The following FGF18 variants were observed in gnomAD, a reference collection of about 807,000 sequenced individuals.
The protein encoded by FGF18 is fibroblast growth factor 18.
A neutral mutation model predicts 23.0 loss-of-function variants in FGF18; 5 were observed. The ratio of observed to expected loss-of-function variants is 0.22; its 90% CI spans 0.11 to 0.46. The LOEUF is 0.46. FGF18 is among the 20% of genes least tolerant of loss of function. FGF18 has a pLI of 0.99. For missense variants in FGF18, 180 were observed against 291.6 expected (o/e 0.62, Z 2.79); for synonymous variants, 117 against 118.9 (o/e 0.98, Z 0.10).
At chr5:171,433,522 G>T (rs768126201) in intron 2 of FGF18, among the ~76,000 whole-genome samples, 1 of 152,180 alleles carries the variant, frequency 6.6e-6, no homozygotes, top group Non-Finnish European at 1.5e-5. Context: ...TGCCCACCAG[G>T]TGTGGGCCTC....
intron 4 of FGF18, among the ~76,000 whole-genome samples, chr5:171,452,534 T>G (rs1772532218): frequency 1.3e-5 from 2 of 152,126 alleles, no homozygotes. Flanking sequence ...CGGCCCCCCT[T>G]CTCCTTGCTA....
intron 2 of FGF18, among the ~76,000 whole-genome samples, chr5:171,431,518 G>C (rs1213155634): frequency 6.6e-6 from 1 of 152,144 alleles, no homozygotes; most frequent in Non-Finnish European, 1.5e-5. Context: ...CGTTGCCTCT[G>C]TGTAGTTGCT....
At chr5:171,449,744 C>T in intron 4 of FGF18, among the ~76,000 whole-genome samples, 1 of 150,362 alleles carries the variant, frequency 6.7e-6, no homozygotes, top group East Asian at 1.9e-4. Context: ...AGCGCTGGGC[C>T]TCTTGGTTCT....
At position 171,440,317 on chromosome 5, in the gene FGF18, G is replaced by A. The variant is rs1457911820; in HGVS notation, c.250+4044G>A. Among the ~76,000 whole-genome samples, 1 of 152,042 alleles carries A rather than the reference G, an allele frequency of 6.6e-6. No individual in the cohort carries two copies. Among genetic ancestry groups the A allele is most frequent in the African/African-American group, 2.4e-5 (1 of 41,372 alleles). On this transcript the variant is annotated intron_variant, in intron 3 of 4. Coordinates refer to ENST00000274625, the MANE Select transcript of FGF18 (RefSeq NM_003862.3). This position sits in a 1 kb window ranked among gnomAD's most constrained non-coding sequence, Gnocchi z 4.0. ...CCAGAAAGGACCTGAGGGAAGAAGC[G>A]GTACTCCTGTCTGCTGTCAGTGGGA...
In FGF18 at chr5:171,456,958, G is replaced by C. The variant is rs911380704; in HGVS notation, c.*153G>C. Reference sequence around the variant, plus strand: ...GACAAAAACTGAACCAAAACTCTTGGGGGGAGGGGTGATAAGGATTTTATT... The same window carrying C: ...GACAAAAACTGAACCAAAACTCTTGCGGGGAGGGGTGATAAGGATTTTATT... On this transcript the variant is annotated 3_prime_UTR_variant, in exon 5 of 5. Coordinates refer to ENST00000274625, the MANE Select transcript of FGF18 (RefSeq NM_003862.3). The surrounding 1 kb of genome is among the most constrained non-coding windows in gnomAD (Gnocchi z 6.1). The C allele has an allele frequency of 1.1e-5, 11 of 967,744 alleles. No individual in the cohort carries two copies. The Admixed American group carries it at 1.8e-4, about 16-fold the overall frequency. The allele number at this position is 967,744 out of a possible 1,614,324, so 59.9% of individuals were successfully genotyped here. A position where few individuals can be genotyped will look rare whatever the true frequency, so the allele number is the denominator to read the frequency against.
In FGF18 at chr5:171,420,227, T is replaced by G; in HGVS notation, c.28T>G (p.Cys10Gly). The change falls in exon 1 of 5, where the codon TGC (cysteine) becomes GGC (glycine). Residue 10 changes from cysteine to glycine, a missense_variant. Cys to Gly is a radical substitution (Grantham distance 159). This residue lies in a region of FGF18 where 57 missense variants were observed against 59.8 expected (regional missense o/e 0.95). Transcript: ENST00000274625. MYSAPSACTCLCLHFLLLCF... is the reference protein window; with the variant it reads MYSAPSACTGLCLHFLLLCF... Reference sequence around the variant, plus strand: ...GTATTCAGCGCCCTCCGCCTGCACTTGCCTGTAAGCGCCCGCGCGCGGGGC... The same window carrying G: ...GTATTCAGCGCCCTCCGCCTGCACTGGCCTGTAAGCGCCCGCGCGCGGGGC... 6.4e-7 allele frequency: 1 copy of G among 1,569,442 alleles called. No individual in the cohort carries two copies. The highest frequency in any genetic ancestry group is 8.6e-7 in the Non-Finnish European group (1 of 1,161,120).
rs142984296 is a variant in FGF18, at chr5:171,447,282, A to G, written c.251-1865A>G. 7.3e-3 allele frequency among the ~76,000 whole-genome samples: 1,114 copies of G among 152,292 alleles called. 13 individuals are homozygous for G. Among genetic ancestry groups the G allele is most frequent in the African/African-American group, 0.026 (1,074 of 41,564 alleles). ...CACCTGAAATTGTCCTGATTCCCCC[A>G]TAACTCCTCACCCCCTGTGGGGCCT... On this transcript the variant is annotated intron_variant, in intron 3 of 4. Transcript: ENST00000274625.
At chr5:171,421,588 A>G (rs1772007450) in intron 2 of FGF18, among the ~76,000 whole-genome samples, 1 of 152,206 alleles carries the variant, frequency 6.6e-6, no homozygotes, top group African/African-American at 2.4e-5. Flanking sequence ...TTCTGGCTCA[A>G]GGAGTGTTGT....
intron 2 of FGF18, among the ~76,000 whole-genome samples, chr5:171,430,456 T>G (rs556134017): frequency 3.3e-5 from 5 of 150,336 alleles, no homozygotes; most frequent in African/African-American, 1.2e-4. Flanking sequence ...GAGGAAGTGC[T>G]CAACACACAA....
intron 2 of FGF18, among the ~76,000 whole-genome samples, chr5:171,423,230 G>A (rs1772043706): frequency 6.6e-6 from 1 of 152,186 alleles, no homozygotes; most frequent in Admixed American, 6.5e-5. Flanking sequence ...CTGGGAAGTG[G>A]GAAGCTGGGA....
Position 171,434,276 on chromosome 5 carries a change from C to T in FGF18, c.70-1817C>T, listed in dbSNP as rs899855322. Among the ~76,000 whole-genome samples the T allele has an allele frequency of 1.3e-5, 2 of 152,244 alleles. No individual in the cohort carries two copies. The highest frequency in any genetic ancestry group is 2.9e-5 in the Non-Finnish European group (2 of 68,040). On this transcript the variant is annotated intron_variant, in intron 2 of 4. Transcript: ENST00000274625. The surrounding 1 kb of genome is among the most constrained non-coding windows in gnomAD (Gnocchi z 4.6). ...TCCTCATCCATAATGTGGGATGATG[C>T]TTCCACCCTGAGGACAATCATGAAG...
chr5:171,427,534 C>CT (rs1232274269), intron 2 of FGF18, among the ~76,000 whole-genome samples: 1 of 152,206 alleles, frequency 6.6e-6, no homozygotes, highest in Non-Finnish European at 1.5e-5. Context: ...CTTAACCTCT[C>CT]TGAGTCTCCA....
intron 2 of FGF18, among the ~76,000 whole-genome samples, chr5:171,425,961 G>A (rs566739720): frequency 4.6e-5 from 7 of 152,302 alleles, no homozygotes; most frequent in African/African-American, 1.7e-4. Context: ...GCAAGAGAGA[G>A]GCAGAGCTGG....
intron 2 of FGF18, among the ~76,000 whole-genome samples, chr5:171,423,406 C>T (rs1037660189): frequency 2.6e-5 from 4 of 152,340 alleles, no homozygotes; most frequent in Admixed American, 6.5e-5. Context: ...GGGCCTTTCA[C>T]GCAGCTCGGC....
At chr5:171,448,302 T>G (rs564963826) in intron 3 of FGF18, among the ~76,000 whole-genome samples, 1 of 152,270 alleles carries the variant, frequency 6.6e-6, no homozygotes, top group South Asian at 2.1e-4. Context: ...TTAGTTACCC[T>G]TCAGCTTTGG....
intron 2 of FGF18, among the ~76,000 whole-genome samples, chr5:171,428,171 C>A (rs943229075): frequency 1.3e-5 from 2 of 152,200 alleles, no homozygotes; most frequent in Non-Finnish European, 2.9e-5. Flanking sequence ...GGAGGTCTGA[C>A]CCCTGCTGCA....
intron 3 of FGF18, among the ~76,000 whole-genome samples, chr5:171,446,958 T>C (rs1772427774): frequency 6.6e-6 from 1 of 152,102 alleles, no homozygotes; most frequent in African/African-American, 2.4e-5. Context: ...TCCTCCACCC[T>C]TGCAGACACA....
intron 2 of FGF18, among the ~76,000 whole-genome samples, chr5:171,433,028 T>C (rs969368676): frequency 8.5e-5 from 13 of 152,140 alleles, no homozygotes; most frequent in Non-Finnish European, 1.8e-4. Context: ...TGTCACACCC[T>C]CCAGAGGTCT....
chr5:171,438,099 C>CTTTTTT (rs372013681), intron 3 of FGF18, among the ~76,000 whole-genome samples: 1 of 135,690 alleles, frequency 7.4e-6, no homozygotes, highest in Non-Finnish European at 1.6e-5. Flanking sequence ...TTTTTCTTTT[C>CTTTTTT]TTTTTTTTTT....
Sources: gnomAD v4.1 joint callset for allele counts (sites outside exome capture counted in the v4.1 genomes callset) on GRCh38, gnomAD v4.1.1 for gene constraint, gnomAD v4.1.1 regional missense constraint, Gnocchi (gnomAD v3.1) non-coding constraint, MANE v1.5 for transcripts, NCBI Gene and HGNC (gene_info 2026-07-23, HGNC 2026-07-21) for gene names.